The following DCAF8L1 variants were observed in gnomAD, a reference collection of about 807,000 sequenced individuals.
The protein encoded by DCAF8L1 is DDB1- and CUL4-associated factor 8-like protein 1.
For synonymous variants in DCAF8L1, 217 were observed against 186.8 expected (o/e 1.16, Z -1.32); for missense variants, 434 against 481.6 (o/e 0.90, Z 0.92).
In DCAF8L1 at chrX:27,979,681, C is replaced by T. The variant is rs770928929; in HGVS notation, c.1654G>A (p.Val552Met). Reference protein sequence around the residue: ...SFDNRMLRFFVRHLLQRAHQP... With the variant: ...SFDNRMLRFFMRHLLQRAHQP... ...TGAGCTCTCTGTAACAGGTGACGCA[C>T]GAAGAACCGAAGCATGCGGTTGTCA... The change falls in exon 1 of 1, where the codon GTG (valine) becomes ATG (methionine). Residue 552 changes from valine to methionine, a missense_variant. Physicochemically the swap from Val to Met is conservative, Grantham distance 21 (BLOSUM62 1). Transcript: ENST00000441525. The T allele has an allele frequency of 5.8e-6, 7 of 1,211,425 alleles. No homozygotes were observed. In the East Asian group the frequency reaches 1.5e-4, roughly 26 times the overall value.
At position 27,979,653 on chromosome X, in the gene DCAF8L1, T is replaced by C; in HGVS notation, c.1682A>G (p.Gln561Arg). 2.5e-6 allele frequency: 3 copies of C among 1,211,970 alleles called. No homozygotes were observed. Among genetic ancestry groups the C allele is most frequent in the Non-Finnish European group, 3.3e-6 (3 of 895,586 alleles). Residue 561 changes from glutamine (Q) to arginine (R), a missense_variant, in exon 1 of 1, where the codon CAA becomes CGA. Transcript: ENST00000441525. The stretch of plus-strand genomic sequence containing the variant: ...AGCTCCATGATCTCTCCAGCCGGGT[T>C]GATGAGCTCTCTGTAACAGGTGACG... ...FVRHLLQRAH[Q>R]PGWRDHGAEF... is the part of the protein sequence containing the mutation.
At position 27,981,144 on chromosome X, in the gene DCAF8L1, C is replaced by T; in HGVS notation, c.191G>A (p.Ser64Asn). ...TRDGGFLNDA[S>N]TENQNTDSES... is the part of the protein sequence containing the mutation. Reference sequence around the variant, plus strand: ...TGAGTCTGTGTTTTGATTTTCTGTGCTGGCATCGTTCAGGAAACCACCATC... The same window carrying T: ...TGAGTCTGTGTTTTGATTTTCTGTGTTGGCATCGTTCAGGAAACCACCATC... The change falls in exon 1 of 1, where the codon AGC (serine) becomes AAC (asparagine). Residue 64 changes from serine to asparagine, a missense_variant. Coordinates refer to ENST00000441525, the MANE Select transcript of DCAF8L1 (RefSeq NM_001017930.2). 8 of 1,211,889 alleles carry T rather than the reference C, an allele frequency of 6.6e-6. No individual in the cohort carries two copies. The highest frequency in any genetic ancestry group is 3.5e-5 in the South Asian group (2 of 57,007).
At position 27,978,757 on chromosome X, in the gene DCAF8L1, C is replaced by T; in HGVS notation, c.*775G>A. On this transcript the variant is annotated 3_prime_UTR_variant, in exon 1 of 1. Coordinates refer to ENST00000441525, the MANE Select transcript of DCAF8L1 (RefSeq NM_001017930.2). ...CATCTACACACTACTTCTTGTTTTC[C>T]TTTTCTAAGGCTCTGTGTGTATGTG... The T allele has an allele frequency of 1.7e-6, 1 of 581,265 alleles. No individual in the cohort carries two copies. Among genetic ancestry groups the T allele is most frequent in the Non-Finnish European group, 2.6e-6 (1 of 379,690 alleles). The allele number at this position is 581,265 out of a possible 1,213,427, so 47.9% of individuals were successfully genotyped here. A position where few individuals can be genotyped will look rare whatever the true frequency, so the allele number is the denominator to read the frequency against.
Position 27,979,960 on chromosome X carries a change from A to G in DCAF8L1, c.1375T>C (p.Cys459Arg). ...TTCTCCCAGAAGAAGACGTGCCCACAATCACTACCGCTCACGACAAACTCA... is the reference window on the plus strand; with the variant it reads ...TTCTCCCAGAAGAAGACGTGCCCACGATCACTACCGCTCACGACAAACTCA... The part of the protein sequence containing the change: ...RSEFVVSGSD[C>R]GHVFFWEKSS... The change falls in exon 1 of 1, where the codon TGT becomes CGT. Residue 459 changes from cysteine to arginine, a missense_variant. By Grantham distance (180) the Cys-to-Arg change is radical. Coordinates refer to ENST00000441525, the MANE Select transcript of DCAF8L1 (RefSeq NM_001017930.2). 1 of 1,211,115 alleles carries G rather than the reference A, an allele frequency of 8.3e-7. No homozygotes were observed. Among genetic ancestry groups the G allele is most frequent in the Non-Finnish European group, 1.1e-6 (1 of 895,312 alleles).
At position 27,978,711 on chromosome X, in the gene DCAF8L1, T is replaced by C; in HGVS notation, c.*821A>G. 2.8e-6 allele frequency: 1 copy of C among 352,510 alleles called. No individual in the cohort carries two copies. Among genetic ancestry groups the C allele is most frequent in the Non-Finnish European group, 5.0e-6 (1 of 201,650 alleles). 29.1% of individuals were successfully genotyped at this position (352,510 alleles called of 1,213,427 possible). ...TCCCAAGTTATTTGCTCTGAGGAGA[T>C]GAATTATCTGGTTAGGAATTCATCT... On this transcript the variant is annotated 3_prime_UTR_variant, in exon 1 of 1. Coordinates refer to ENST00000441525, the MANE Select transcript of DCAF8L1 (RefSeq NM_001017930.2).
At position 27,979,137 on chromosome X, in the gene DCAF8L1, T is replaced by G. The variant is rs1926584099; in HGVS notation, c.*395A>C. On this transcript the variant is annotated 3_prime_UTR_variant, in exon 1 of 1. Transcript: ENST00000441525. The stretch of plus-strand genomic sequence containing the variant: ...TTCTGAGACTGTGTGTATGTGTGTG[T>G]CAGTATTCAAAGAACTATGGTTTGC... 4 of 271,636 alleles carry G rather than the reference T, an allele frequency of 1.5e-5. No individual in the cohort carries two copies. Among genetic ancestry groups the G allele is most frequent in the Non-Finnish European group, 2.6e-5 (4 of 153,248 alleles). The allele number at this position is 271,636 out of a possible 1,213,427, so 22.4% of individuals were successfully genotyped here.
chrX:27,978,197 T>C lies in DCAF8L1; in HGVS notation c.*1335A>G, dbSNP rs1351485673. The C allele has an allele frequency of 9.0e-6, 1 of 111,259 alleles. No individual in the cohort carries two copies. Among genetic ancestry groups the C allele is most frequent in the African/African-American group, 3.3e-5 (1 of 30,582 alleles). The allele number at this position is 111,259 out of a possible 1,213,427, so 9.2% of individuals were successfully genotyped here. ...AAACAATTTTTACTGCAACAATTTT[T>C]AAAACAAACTCATAAAACAGCTAAA... On this transcript the variant is annotated 3_prime_UTR_variant, in exon 1 of 1. Transcript: ENST00000441525.
rs1332294150 is a variant in DCAF8L1, at chrX:27,979,097, A to G, written c.*435T>C. ...AGTGTTAGGAATTAATCTACACACT[A>G]CTTCTCTTTTCCTTTTCTGAGACTG... On this transcript the variant is annotated 3_prime_UTR_variant, in exon 1 of 1. Transcript: ENST00000441525. 3 of 313,712 alleles carry G rather than the reference A, an allele frequency of 9.6e-6. No homozygotes were observed. The highest frequency in any genetic ancestry group is 8.0e-5 in the African/African-American group (3 of 37,576). The allele number at this position is 313,712 out of a possible 1,213,427, so 25.9% of individuals were successfully genotyped here. A position where few individuals can be genotyped will look rare whatever the true frequency, so the allele number is the denominator to read the frequency against.
chrX:27,980,410 C>A lies in DCAF8L1; in HGVS notation c.925G>T (p.Ala309Ser). Residue 309 changes from alanine to serine, a missense_variant, in exon 1 of 1, where the codon GCC becomes TCC. By Grantham distance (99) the Ala-to-Ser change is moderately conservative. Transcript: ENST00000441525. Reference sequence around the variant, plus strand: ...CTGAGGTCAATGGTGAACACAACGGCATCTTCACCTGAAGTGAGGAACTTA... The same window carrying A: ...CTGAGGTCAATGGTGAACACAACGGAATCTTCACCTGAAGTGAGGAACTTA... ...PYKFLTSGEDAVVFTIDLRQD... is the reference protein window; with the variant it reads ...PYKFLTSGEDSVVFTIDLRQD... The A allele has an allele frequency of 8.2e-6, 10 of 1,212,268 alleles. No homozygotes were observed. Among genetic ancestry groups the A allele is most frequent in the Non-Finnish European group, 1.0e-5 (9 of 895,595 alleles).
Position 27,978,794 on chromosome X carries a change from C to G in DCAF8L1, c.*738G>C, listed in dbSNP as rs768500532. 3 of 847,005 alleles carry G rather than the reference C, an allele frequency of 3.5e-6. No homozygotes were observed. Among genetic ancestry groups the G allele is most frequent in the Non-Finnish European group, 5.1e-6 (3 of 585,629 alleles). 69.8% of individuals were successfully genotyped at this position (847,005 alleles called of 1,213,427 possible). A position where few individuals can be genotyped will look rare whatever the true frequency, so the allele number is the denominator to read the frequency against. On this transcript the variant is annotated 3_prime_UTR_variant, in exon 1 of 1. Coordinates refer to ENST00000441525, the MANE Select transcript of DCAF8L1 (RefSeq NM_001017930.2). ...TCTGTGTGTATGTGTGTGTGCATAGCTGGCCAGGAGCTCTGTGCCATCGTG... is the reference window on the plus strand; with the variant it reads ...TCTGTGTGTATGTGTGTGTGCATAGGTGGCCAGGAGCTCTGTGCCATCGTG...
chrX:27,981,355 G>C lies in DCAF8L1; in HGVS notation c.-21C>G, dbSNP rs1486645595. ...GACATCTCGAACGATGTTTGCTGTA[G>C]CTGATCTGGAACTGGAAAAGCCAAC... On this transcript the variant is annotated 5_prime_UTR_variant, in exon 1 of 1. Coordinates refer to ENST00000441525, the MANE Select transcript of DCAF8L1 (RefSeq NM_001017930.2). The C allele has an allele frequency of 8.4e-7, 1 of 1,193,071 alleles. No homozygotes were observed. Among genetic ancestry groups the C allele is most frequent in the Non-Finnish European group, 1.1e-6 (1 of 886,128 alleles).
At position 27,980,066 on chromosome X, in the gene DCAF8L1, A is replaced by G. The variant is rs1485634444; in HGVS notation, c.1269T>C (p.Asp423=). 12 of 1,211,576 alleles carry G rather than the reference A, an allele frequency of 9.9e-6. No homozygotes were observed. The highest frequency in any genetic ancestry group is 1.1e-5 in the Non-Finnish European group (10 of 895,488). ...TATATCTCTTAACATATTGAGCACC[A>G]TCACTGAGAGAGGAGTTGAAGAGGT... ...DIYLFNSSLS[D]GAQYVKRYKG... The change falls in exon 1 of 1, where the codon GAT becomes GAC. Residue 423 remains aspartate (D), a synonymous_variant. Transcript: ENST00000441525.
At position 27,980,900 on chromosome X, in the gene DCAF8L1, T is replaced by G. The variant is rs1263337139; in HGVS notation, c.435A>C (p.Ser145=). The change falls in exon 1 of 1, where the codon TCA becomes TCC. Residue 145 remains serine, a synonymous_variant. Coordinates refer to ENST00000441525, the MANE Select transcript of DCAF8L1 (RefSeq NM_001017930.2). ...GAGATCGGGGCAGGGCAGATGTCTC[T>G]GAGGAAATCCACTCCTCCAACGCCT... The part of the protein sequence containing the change: ...EDQALEEWIS[S]ETSALPRSRW... 1 of 1,210,225 alleles carries G rather than the reference T, an allele frequency of 8.3e-7. No individual in the cohort carries two copies. Among genetic ancestry groups the G allele is most frequent in the Admixed American group, 2.2e-5 (1 of 45,833 alleles).
chrX:27,979,020 T>A lies in DCAF8L1; in HGVS notation c.*512A>T, dbSNP rs1178180559. 2.3e-6 allele frequency: 1 copy of A among 442,972 alleles called. No individual in the cohort carries two copies. The highest frequency in any genetic ancestry group is 3.9e-6 in the Non-Finnish European group (1 of 254,023). 36.5% of individuals were successfully genotyped at this position (442,972 alleles called of 1,213,427 possible). ...GAGATTGTATACAGTCCCACTTTCTTATTCTTCTCTCTTGTTACTACAACT... is the reference window on the plus strand; with the variant it reads ...GAGATTGTATACAGTCCCACTTTCTAATTCTTCTCTCTTGTTACTACAACT... On this transcript the variant is annotated 3_prime_UTR_variant, in exon 1 of 1. Transcript: ENST00000441525.
rs149699902 is a variant in DCAF8L1 at position 27,981,237 on chromosome X, G to T, written c.98C>A (p.Thr33Lys). 2.9e-3 allele frequency: 3,557 copies of T among 1,208,826 alleles called. 2 individuals carry two copies. Among genetic ancestry groups the T allele is most frequent in the Middle Eastern group, 4.1e-3 (18 of 4,352 alleles). The change falls in exon 1 of 1, where the codon ACG (threonine) becomes AAG (lysine). Residue 33 changes from threonine to lysine, a missense_variant. Transcript: ENST00000441525. The part of the protein sequence containing the change: ...PEEQSGVAAV[T>K]AASSDIEMAA... ...CATTTCAATGTCTGAGGAGGCCGCC[G>T]TCACCGCTGCTACTCCAGACTGCTC...
rs1223906509 is a variant in DCAF8L1 at position 27,979,035 on chromosome X, TTAC to T, written c.*494_*496del. 15 of 417,247 alleles carry T rather than the reference TTAC, an allele frequency of 3.6e-5. No homozygotes were observed. The highest frequency in any genetic ancestry group is 5.5e-5 in the Non-Finnish European group (13 of 235,569). 34.4% of individuals were successfully genotyped at this position (417,247 alleles called of 1,213,427 possible). ...CCCACTTTCTTATTCTTCTCTCTTG[TTAC>T]TACAACTTTTGAAGCTGTGTGTGTG... On this transcript the variant is annotated 3_prime_UTR_variant, in exon 1 of 1. Transcript: ENST00000441525.
In DCAF8L1 at chrX:27,980,895, G is replaced by A. The variant is rs140377946; in HGVS notation, c.440C>T (p.Thr147Ile). ...QALEEWISSE[T>I]SALPRSRWQV... ...CCAGCGAGATCGGGGCAGGGCAGAT[G>A]TCTCTGAGGAAATCCACTCCTCCAA... The change falls in exon 1 of 1, where the codon ACA becomes ATA. Residue 147 changes from threonine (T) to isoleucine (I), a missense_variant. Coordinates refer to ENST00000441525, the MANE Select transcript of DCAF8L1 (RefSeq NM_001017930.2). 8 of 1,210,218 alleles carry A rather than the reference G, an allele frequency of 6.6e-6. No homozygotes were observed. In the African/African-American group the frequency reaches 1.0e-4, roughly 16 times the overall value.
rs1926572540 is a variant in DCAF8L1 at position 27,978,571 on chromosome X, T to C, written c.*961A>G. The C allele has an allele frequency of 6.6e-6, 1 of 152,524 alleles. No homozygotes were observed. The allele number at this position is 152,524 out of a possible 1,213,427, so 12.6% of individuals were successfully genotyped here. A position where few individuals can be genotyped will look rare whatever the true frequency, so the allele number is the denominator to read the frequency against. ...TCCCAACCATAAAACTTCAAGAACA[T>C]TTAATGCATAGAGTAAACAATGTCA... On this transcript the variant is annotated 3_prime_UTR_variant, in exon 1 of 1. Coordinates refer to ENST00000441525, the MANE Select transcript of DCAF8L1 (RefSeq NM_001017930.2).
chrX:27,978,864 C>T lies in DCAF8L1; in HGVS notation c.*668G>A, dbSNP rs1392155931. The T allele has an allele frequency of 3.4e-6, 3 of 895,497 alleles. No individual in the cohort carries two copies. The highest frequency in any genetic ancestry group is 2.0e-5 in the African/African-American group (1 of 51,256). The allele number at this position is 895,497 out of a possible 1,213,427, so 73.8% of individuals were successfully genotyped here. ...ATGTTTGTTGGAAAATCACAATTAA[C>T]CAGATGATGAAGAGTGAATTTCTTG... On this transcript the variant is annotated 3_prime_UTR_variant, in exon 1 of 1. Coordinates refer to ENST00000441525, the MANE Select transcript of DCAF8L1 (RefSeq NM_001017930.2).
Sources: gnomAD v4.1 joint callset for allele counts on GRCh38, gnomAD v4.1.1 for gene constraint, MANE v1.5 for transcripts, NCBI Gene and HGNC (gene_info 2026-07-23, HGNC 2026-07-21) for gene names.